MAP3K5: variants seen among roughly 807,000 people sequenced by gnomAD.
MAP3K5 encodes mitogen-activated protein kinase kinase kinase 5.
Under a neutral mutation model 158.7 loss-of-function variants are expected in MAP3K5, and 56 were observed. The observed-to-expected ratio is 0.35, with a 90% CI of 0.28 to 0.44. The LOEUF is 0.44. Among genes scored for constraint, MAP3K5 ranks in the 20% least tolerant of loss-of-function variants. The pLI is 1.00. For synonymous variants in MAP3K5, 579 were observed against 601.7 expected, an observed-to-expected ratio of 0.96 and a Z score of 0.55; for missense variants, 1,294 against 1,674.8, an observed-to-expected ratio of 0.77 and a Z score of 3.97.
At chr6:136,595,767 A>G (rs1775599834) in intron 21 of MAP3K5, among the ~76,000 whole-genome samples, 1 of 152,232 alleles carries the variant, frequency 6.6e-6, no homozygotes, top group Admixed American at 6.5e-5. Flanking sequence ...CTGTAATCCC[A>G]GCACTTTGGG....
chr6:136,715,646 T>C (rs1781486404), intron 2 of MAP3K5, among the ~76,000 whole-genome samples: 1 of 152,200 alleles, frequency 6.6e-6, no homozygotes, highest in African/African-American at 2.4e-5. Context: ...AAGTAATTTT[T>C]TTACCCCAAC....
At chr6:136,692,858 A>G (rs750703357) in intron 7 of MAP3K5, among the ~76,000 whole-genome samples, 2 of 152,106 alleles carry the variant, frequency 1.3e-5, no homozygotes, top group Non-Finnish European at 2.9e-5. Flanking sequence ...CAGGAGGCTG[A>G]GGTGGGAAGA....
intron 2 of MAP3K5, among the ~76,000 whole-genome samples, chr6:136,706,359 C>T (rs985765100): frequency 1.1e-4 from 16 of 152,070 alleles, no homozygotes; most frequent in African/African-American, 3.9e-4. Flanking sequence ...TATAGCTATA[C>T]AGTGCCTGAC....
At chr6:136,586,949 TCCTCAG>T (rs1212039342) in intron 23 of MAP3K5, among the ~76,000 whole-genome samples, 2 of 152,212 alleles carry the variant, frequency 1.3e-5, no homozygotes, top group Admixed American at 6.5e-5. Flanking sequence ...CTCTCCATGC[TCCTCAG>T]CCTGCAGACA....
At chr6:136,723,120 A>G (rs199949082) in intron 1 of MAP3K5, among the ~76,000 whole-genome samples, 2 of 151,700 alleles carry the variant, frequency 1.3e-5, no homozygotes, top group East Asian at 3.9e-4. Context: ...TTGAAAAAAT[A>G]TTTTTTTACA....
chr6:136,672,825 A>G (rs1779540190), intron 7 of MAP3K5, among the ~76,000 whole-genome samples: 1 of 152,010 alleles, frequency 6.6e-6, no homozygotes, highest in Non-Finnish European at 1.5e-5. Context: ...TCCTATTTCT[A>G]CTAAAAATAT....
At chr6:136,657,614 A>G (rs767610983) in intron 9 of MAP3K5, among the ~76,000 whole-genome samples, 10 of 152,264 alleles carry the variant, frequency 6.6e-5, no homozygotes, top group Non-Finnish European at 1.2e-4. Flanking sequence ...CCATGGAGAT[A>G]TGACTAAACA....
intron 29 of MAP3K5, 28 bp downstream of exon 29, chr6:136,558,772 A>G (rs1393718130): frequency 2.1e-6 from 3 of 1,409,500 alleles, no homozygotes; most frequent in Non-Finnish European, 3.0e-6. Flanking sequence ...TGCTCTTTCC[A>G]TAGTGACAAC....
intron 2 of MAP3K5, among the ~76,000 whole-genome samples, chr6:136,705,956 A>G (rs1179511490): frequency 6.6e-6 from 1 of 152,168 alleles, no homozygotes. Flanking sequence ...TTTTTCATTG[A>G]GAAATATAAT....
chr6:136,785,711 C>A (rs886476481), intron 1 of MAP3K5, among the ~76,000 whole-genome samples: 1 of 152,196 alleles, frequency 6.6e-6, no homozygotes, highest in Non-Finnish European at 1.5e-5. Context: ...CCTTTGTCCC[C>A]TTCCTCACCA....
intron 14 of MAP3K5, among the ~76,000 whole-genome samples, chr6:136,628,314 T>C (rs954435830): frequency 1.3e-5 from 2 of 152,112 alleles, no homozygotes; most frequent in South Asian, 2.1e-4. Context: ...GGTCTTGCTA[T>C]GTTGCCCAGG....
intron 3 of MAP3K5, among the ~76,000 whole-genome samples, chr6:136,699,086 A>C (rs145946916): frequency 5.2e-4 from 79 of 152,210 alleles, no homozygotes; most frequent in African/African-American, 1.7e-3. Flanking sequence ...GGCTTCCTAC[A>C]TGTAAGGTGA....
intron 1 of MAP3K5, among the ~76,000 whole-genome samples, chr6:136,773,759 T>A: frequency 6.6e-6 from 1 of 152,126 alleles, no homozygotes; most frequent in South Asian, 2.1e-4. Flanking sequence ...GTGATTCTCA[T>A]GCCTAAGCCT....
At chr6:136,641,860 C>T (rs553834971) in intron 12 of MAP3K5, among the ~76,000 whole-genome samples, 56 of 151,420 alleles carry the variant, frequency 3.7e-4, no homozygotes, top group African/African-American at 1.2e-3. Flanking sequence ...TGGTGACATG[C>T]GCCCGTAATC....
chr6:136,565,763 T>C (rs572877486), intron 26 of MAP3K5, among the ~76,000 whole-genome samples: 1 of 152,314 alleles, frequency 6.6e-6, no homozygotes, highest in Non-Finnish European at 1.5e-5. Context: ...ACTTGGTTTT[T>C]GTACTAAAGC....
At chr6:136,561,471 C>T (rs1830509960) in intron 28 of MAP3K5, 62 bp downstream of exon 28, 1 of 1,232,840 alleles carries the variant, frequency 8.1e-7, no homozygotes, top group Admixed American at 1.7e-5. Flanking sequence ...TGTCACATAG[C>T]AGGCACCCAA....
At chr6:136,612,320 T>C (rs915105443) in intron 17 of MAP3K5, among the ~76,000 whole-genome samples, 3 of 152,260 alleles carry the variant, frequency 2.0e-5, no homozygotes, top group African/African-American at 7.2e-5. Flanking sequence ...TTATAAGTTC[T>C]TCATAATCTG....
intron 21 of MAP3K5, among the ~76,000 whole-genome samples, chr6:136,595,689 G>T (rs1035351460): frequency 1.3e-5 from 2 of 152,154 alleles, no homozygotes; most frequent in Non-Finnish European, 2.9e-5. Flanking sequence ...TGGATAAGGG[G>T]TGTTATTTGA....
intron 1 of MAP3K5, among the ~76,000 whole-genome samples, chr6:136,776,576 A>C (rs1182556929): frequency 6.6e-6 from 1 of 152,208 alleles, no homozygotes; most frequent in Non-Finnish European, 1.5e-5. Flanking sequence ...TAAAGATTTC[A>C]CAAATGGGCA....
Sources: allele counts gnomAD v4.1 joint callset (sites outside exome capture counted in the v4.1 genomes callset), GRCh38; gene constraint gnomAD v4.1.1; transcripts MANE v1.5; gene names NCBI Gene and HGNC (gene_info 2026-07-23, HGNC 2026-07-21).